The following WWOX variants were observed in gnomAD, a reference collection of about 807,000 sequenced individuals.
WWOX encodes the protein WW domain containing oxidoreductase, also known as WW domain-containing oxidoreductase.
WWOX carries 69 observed loss-of-function variants against 46.2 expected under a neutral mutation model. That is an observed-to-expected ratio of 1.49 (90% CI 1.23 to 1.82). The LOEUF is 1.82. Among genes scored for constraint, WWOX ranks in the 40% most tolerant of loss-of-function variants. The probability of loss-of-function intolerance (pLI) is 0.00; values close to 1 mark genes in which losing one functional copy is unlikely to be tolerated. For missense variants in WWOX, 919 were observed against 542.6 expected, an observed-to-expected ratio of 1.69 and a Z score of -6.89; for synonymous variants, 359 against 202.6, an observed-to-expected ratio of 1.77 and a Z score of -6.56.
rs142148502 is a variant in WWOX, at chr16:78,742,243, A to G, written c.1056+309491A>G. Among the ~76,000 whole-genome samples, 1,147 of 152,330 alleles carry G rather than the reference A, an allele frequency of 7.5e-3. 9 individuals carry two copies. Among genetic ancestry groups the G allele is most frequent in the African/African-American group, 0.027 (1,104 of 41,584 alleles). On this transcript the variant is annotated intron_variant, in intron 8 of 8. Coordinates refer to ENST00000566780, the MANE Select transcript of WWOX (RefSeq NM_016373.4). ...GTGCTCAAAACTTATTTTTACTGAT[A>G]ATAGTCCATGATCAAGGCAGTTTGG...
intron 8 of WWOX, among the ~76,000 whole-genome samples, chr16:78,488,229 G>A (rs2667581): frequency 0.12 from 17,502 of 152,138 alleles, 1,294 homozygotes; most frequent in African/African-American, 0.21. Flanking sequence ...CTGGTACGCT[G>A]GAAGTTGGCA....
At chr16:78,614,642 C>T (rs946277797) in intron 8 of WWOX, among the ~76,000 whole-genome samples, 2 of 152,184 alleles carry the variant, frequency 1.3e-5, no homozygotes, top group African/African-American at 4.8e-5. Context: ...TGAGGGACCA[C>T]CCCCTCCACC....
chr16:78,143,717 G>T (rs1169658616), intron 4 of WWOX, among the ~76,000 whole-genome samples: 1 of 143,986 alleles, frequency 6.9e-6, no homozygotes, highest in Non-Finnish European at 1.5e-5. Flanking sequence ...GAATTATTAA[G>T]AAAACAAAGC....
chr16:78,636,324 C>T (rs2046569450), intron 8 of WWOX, among the ~76,000 whole-genome samples: 1 of 152,042 alleles, frequency 6.6e-6, no homozygotes, highest in South Asian at 2.1e-4. Flanking sequence ...AGCCAAAGAC[C>T]CCCACCTTTG....
chr16:78,699,456 C>T (rs537831454), intron 8 of WWOX, among the ~76,000 whole-genome samples: 3 of 152,112 alleles, frequency 2.0e-5, no homozygotes, highest in East Asian at 3.9e-4. Flanking sequence ...GGAAGATATC[C>T]TGAGCCCAGG....
chr16:79,124,289 G>A (rs1391067689), intron 8 of WWOX, among the ~76,000 whole-genome samples: 6 of 152,192 alleles, frequency 3.9e-5, no homozygotes, highest in East Asian at 1.9e-4. Context: ...AAAAGCATCC[G>A]CGCTTGCATG....
chr16:79,006,899 A>C (rs923357249), intron 8 of WWOX, among the ~76,000 whole-genome samples: 3 of 152,104 alleles, frequency 2.0e-5, no homozygotes, highest in African/African-American at 7.2e-5. Flanking sequence ...ATAGTTTTGC[A>C]CCCACTGGAT....
intron 8 of WWOX, chr16:79,204,122 A>C (rs1253812809): frequency 6.6e-6 from 1 of 152,126 alleles, no homozygotes; most frequent in East Asian, 1.9e-4. Context: ...ATTTCAAACC[A>C]ACCATGGAAG....
chr16:78,520,644 GA>G (rs1325771187), intron 8 of WWOX, among the ~76,000 whole-genome samples: 20 of 152,046 alleles, frequency 1.3e-4, no homozygotes, highest in African/African-American at 4.8e-4. Context: ...GGCAGGGCAG[GA>G]CGGCCCTGGC....
intron 8 of WWOX, among the ~76,000 whole-genome samples, chr16:78,860,063 C>G (rs1264298994): frequency 6.6e-6 from 1 of 152,152 alleles, no homozygotes; most frequent in Admixed American, 6.5e-5. Context: ...TAACAATTTT[C>G]TAGCCGCATA....
intron 5 of WWOX, among the ~76,000 whole-genome samples, chr16:78,363,936 G>A (rs374476458): frequency 9.2e-5 from 14 of 152,292 alleles, no homozygotes; most frequent in East Asian, 7.7e-4. Context: ...TGATGCTTCC[G>A]GAAGAATGCC....
At chr16:78,618,519 C>A (rs1220269690) in intron 8 of WWOX, among the ~76,000 whole-genome samples, 1 of 152,164 alleles carries the variant, frequency 6.6e-6, no homozygotes, top group East Asian at 1.9e-4. Context: ...GATTAGGGTC[C>A]ACCATATAAT....
intron 8 of WWOX, among the ~76,000 whole-genome samples, chr16:78,934,495 C>T (rs1220366028): frequency 1.6e-5 from 2 of 123,216 alleles, no homozygotes; most frequent in African/African-American, 3.1e-5. Flanking sequence ...GGCAACAGTG[C>T]GAAACCCTGT....
At chr16:78,883,847 G>A (rs1039365133) in intron 8 of WWOX, among the ~76,000 whole-genome samples, 4 of 152,096 alleles carry the variant, frequency 2.6e-5, no homozygotes, top group East Asian at 3.8e-4. Context: ...TAAGTTTCCT[G>A]TAATACTAAT....
At chr16:78,499,434 C>G (rs1268395570) in intron 8 of WWOX, among the ~76,000 whole-genome samples, 2 of 152,184 alleles carry the variant, frequency 1.3e-5, no homozygotes, top group Admixed American at 6.5e-5. Flanking sequence ...CCCACCTGTT[C>G]ACTTTTTACC....
chr16:78,305,389 C>T (rs781459982), intron 5 of WWOX, among the ~76,000 whole-genome samples: 1 of 152,150 alleles, frequency 6.6e-6, no homozygotes, highest in Non-Finnish European at 1.5e-5. Flanking sequence ...GCCATGTAAC[C>T]TCTGGATGAG....
At chr16:79,051,318 C>T (rs1473618015) in intron 8 of WWOX, among the ~76,000 whole-genome samples, 4 of 152,186 alleles carry the variant, frequency 2.6e-5, no homozygotes, top group Admixed American at 6.5e-5. Context: ...GTGTGCAATG[C>T]TTTAAATCAG....
At chr16:79,130,202 A>G (rs755812771) in intron 8 of WWOX, among the ~76,000 whole-genome samples, 24 of 152,232 alleles carry the variant, frequency 1.6e-4, no homozygotes, top group Non-Finnish European at 2.6e-4. Context: ...CTGATTCCTG[A>G]ACCTGTGCTC....
chr16:78,765,529 A>G (rs1424520139), intron 8 of WWOX, among the ~76,000 whole-genome samples: 2 of 152,134 alleles, frequency 1.3e-5, no homozygotes, highest in African/African-American at 4.8e-5. Flanking sequence ...AAGTACAAAA[A>G]TTAGCCAGGT....
Sources: allele counts gnomAD v4.1 joint callset (sites outside exome capture counted in the v4.1 genomes callset), GRCh38; gene constraint gnomAD v4.1.1; transcripts MANE v1.5; gene names NCBI Gene and HGNC (gene_info 2026-07-23, HGNC 2026-07-21).